Variants in ZNF385D observed in about 807,000 individuals in gnomAD.
ZNF385D encodes the protein zinc finger protein 385D.
A neutral mutation model predicts 35.8 loss-of-function variants in ZNF385D; 15 were observed. The ratio of observed to expected loss-of-function variants is 0.42; its 90% CI spans 0.28 to 0.64. ZNF385D has a LOEUF of 0.64. Ranked by LOEUF, ZNF385D falls within the 30% of genes least tolerant of loss-of-function variation. The probability of loss-of-function intolerance (pLI) is 0.23; values close to 1 mark genes in which losing one functional copy is unlikely to be tolerated. For synonymous variants in ZNF385D, 212 were observed against 186.8 expected (o/e 1.13, Z -1.10); for missense variants, 474 against 494.6 (o/e 0.96, Z 0.39).
At chr3:21,615,491 T>C (rs905537419) in intron 2 of ZNF385D, among the ~76,000 whole-genome samples, 18 of 152,300 alleles carry the variant, frequency 1.2e-4, no homozygotes, top group African/African-American at 4.1e-4. Flanking sequence ...ATATTCAAAT[T>C]AGTATGCTCC....
At chr3:22,280,087 GAATTGTCTATTC>G (rs1163990354) in intron 2 of ZNF385D, among the ~76,000 whole-genome samples, 2 of 152,052 alleles carry the variant, frequency 1.3e-5, no homozygotes, top group Non-Finnish European at 2.9e-5. Context: ...CTTCTTTTGT[GAATTGTCTATTC>G]ATGTCCTTAG....
At chr3:21,939,287 T>A (rs1025311357) in intron 3 of ZNF385D, among the ~76,000 whole-genome samples, 1 of 152,214 alleles carries the variant, frequency 6.6e-6, no homozygotes, top group Non-Finnish European at 1.5e-5. Context: ...TAATTGCATT[T>A]AGTCAGGATA....
At chr3:21,875,138 G>T (rs1269399812) in intron 3 of ZNF385D, among the ~76,000 whole-genome samples, 1 of 152,002 alleles carries the variant, frequency 6.6e-6, no homozygotes, top group Non-Finnish European at 1.5e-5. Flanking sequence ...AGTTCTAACA[G>T]TTTTCTTTGG....
At chr3:21,995,694 G>A (rs896870014) in intron 3 of ZNF385D, among the ~76,000 whole-genome samples, 1 of 151,766 alleles carries the variant, frequency 6.6e-6, no homozygotes, top group African/African-American at 2.4e-5. Flanking sequence ...CGGTTACAGT[G>A]GTAGGCAGGA....
chr3:21,727,706 A>G (rs955672832), intron 1 of ZNF385D, among the ~76,000 whole-genome samples: 1 of 152,200 alleles, frequency 6.6e-6, no homozygotes, highest in African/African-American at 2.4e-5. Context: ...GAACACTTAC[A>G]CTGTTGGTGG....
At chr3:21,885,360 G>A (rs527829376) in intron 3 of ZNF385D, among the ~76,000 whole-genome samples, 8 of 151,728 alleles carry the variant, frequency 5.3e-5, no homozygotes, top group Admixed American at 2.0e-4. Context: ...TTGCTGAGTC[G>A]AATAATAATC....
chr3:22,113,323 G>A (rs111730300), intron 3 of ZNF385D, among the ~76,000 whole-genome samples: 1,771 of 152,132 alleles, frequency 0.012, 34 homozygotes, highest in African/African-American at 0.04. Flanking sequence ...AGGAAAGCAG[G>A]CTTTAGGAAA....
chr3:21,588,432 T>A (rs1409541307), intron 2 of ZNF385D, among the ~76,000 whole-genome samples: 2 of 73,324 alleles, frequency 2.7e-5, no homozygotes, highest in Non-Finnish European at 5.9e-5. Context: ...ATGCATAATG[T>A]TAATGTGTAA....
chr3:21,686,437 C>T (rs1025715014), intron 1 of ZNF385D, among the ~76,000 whole-genome samples: 1 of 152,128 alleles, frequency 6.6e-6, no homozygotes, highest in Non-Finnish European at 1.5e-5. Flanking sequence ...TAGAGCAATA[C>T]TGAACTATCG....
At chr3:21,648,376 T>A (rs1431622817) in intron 2 of ZNF385D, among the ~76,000 whole-genome samples, 3 of 152,150 alleles carry the variant, frequency 2.0e-5, no homozygotes, top group Non-Finnish European at 4.4e-5. Context: ...GAACTGAGAA[T>A]CAATTAAACC....
chr3:21,943,736 A>T (rs536451872), intron 3 of ZNF385D, among the ~76,000 whole-genome samples: 1 of 152,294 alleles, frequency 6.6e-6, no homozygotes, highest in East Asian at 1.9e-4. Context: ...AACCAGATAT[A>T]ATTTTGCTAG....
intron 2 of ZNF385D, among the ~76,000 whole-genome samples, chr3:21,640,808 A>C (rs1553628822): frequency 6.6e-6 from 1 of 152,170 alleles, no homozygotes; most frequent in Non-Finnish European, 1.5e-5. Flanking sequence ...ACTGAGAAGC[A>C]CAATGTCTGC....
rs1028946841 is a variant in ZNF385D, at chr3:21,551,081, T to G, written c.276+13493A>C. On this transcript the variant is annotated intron_variant, in intron 3 of 7. Transcript: ENST00000281523. ...GAATAATACCATGTAAGAGAACTCA[T>G]GAGTTCTTATGAGTGAGTTCTAGCT... 1.3e-5 allele frequency among the ~76,000 whole-genome samples: 2 copies of G among 152,220 alleles called. 1 individual carries two copies. The highest frequency in any genetic ancestry group is 4.1e-4 in the South Asian group (2 of 4,838).
At chr3:21,805,281 A>C (rs1404544763) in intron 3 of ZNF385D, among the ~76,000 whole-genome samples, 23 of 152,190 alleles carry the variant, frequency 1.5e-4, no homozygotes, top group Non-Finnish European at 2.9e-5. Flanking sequence ...ATATGTGTAA[A>C]TAGTGTGTAG....
intron 2 of ZNF385D, among the ~76,000 whole-genome samples, chr3:22,180,914 C>CTTTTGTTCTTTTTTTTTTTTTTTTT (rs1695209879): frequency 1.9e-4 from 21 of 112,960 alleles, no homozygotes; most frequent in African/African-American, 8.0e-4. Flanking sequence ...TGCTTTTGTT[C>CTTTTGTTCTTTTTTTTTTTTTTTTT]TTTTTTTTTT....
intron 3 of ZNF385D, among the ~76,000 whole-genome samples, chr3:21,760,970 T>A (rs377249103): frequency 2.0e-5 from 3 of 152,342 alleles, no homozygotes; most frequent in South Asian, 4.1e-4. Context: ...TGACTGAGTG[T>A]GACTTTAATG....
intron 1 of ZNF385D, among the ~76,000 whole-genome samples, chr3:21,746,541 G>A (rs549199735): frequency 1.1e-3 from 173 of 152,272 alleles, no homozygotes; most frequent in African/African-American, 3.7e-3. Context: ...CTGTTTTGTA[G>A]TAATTTATTG....
At chr3:21,505,359 C>T (rs1706695693) in intron 4 of ZNF385D, among the ~76,000 whole-genome samples, 1 of 150,118 alleles carries the variant, frequency 6.7e-6, no homozygotes, top group Non-Finnish European at 1.5e-5. Flanking sequence ...CAAATAGAGA[C>T]CATAAGATTG....
At chr3:21,583,776 A>C (rs2063732052) in intron 2 of ZNF385D, among the ~76,000 whole-genome samples, 1 of 150,604 alleles carries the variant, frequency 6.6e-6, no homozygotes, top group South Asian at 2.1e-4. Flanking sequence ...TAATATTTTC[A>C]TTTAAATATT....
Sources: gnomAD v4.1 joint callset for allele counts (sites outside exome capture counted in the v4.1 genomes callset) on GRCh38, gnomAD v4.1.1 for gene constraint, MANE v1.5 for transcripts, NCBI Gene and HGNC (gene_info 2026-07-23, HGNC 2026-07-21) for gene names.